PIK3C2G: variants seen among roughly 807,000 people sequenced by gnomAD.
PIK3C2G encodes phosphatidylinositol-4-phosphate 3-kinase catalytic subunit type 2 gamma.
Under a neutral mutation model 181.1 loss-of-function variants are expected in PIK3C2G, and 168 were observed. The ratio of observed to expected loss-of-function variants is 0.93; its 90% CI spans 0.82 to 1.05. The LOEUF is 1.05. PIK3C2G is among the 50% of genes least tolerant of loss of function. PIK3C2G has a pLI of 0.00. For synonymous variants in PIK3C2G, 573 were observed against 592.2 expected (o/e 0.97, Z 0.47); for missense variants, 1,869 against 1,732.8 (o/e 1.08, Z -1.40).
downstream of PIK3C2G, among the ~76,000 whole-genome samples, chr12:18,653,296 A>G (rs1418947574): frequency 2.0e-5 from 3 of 152,172 alleles, no homozygotes; most frequent in Admixed American, 6.6e-5. Context: ...TTGATATTAC[A>G]TAGGAAAAAC....
rs115975753 is a variant in PIK3C2G at position 18,408,743 on chromosome 12, G to A, written c.2315+8896G>A. Among the ~76,000 whole-genome samples the A allele has an allele frequency of 9.3e-3, 1,413 of 152,166 alleles. 14 individuals carry two copies. The highest frequency in any genetic ancestry group is 0.027 in the African/African-American group (1,115 of 41,502). Reference sequence around the variant, plus strand: ...AAGCAAACAACCCCATCAAAAAGTAGGTGAAGGACTTCTCAAAAGAAGACA... The same window carrying A: ...AAGCAAACAACCCCATCAAAAAGTAAGTGAAGGACTTCTCAAAAGAAGACA... On this transcript the variant is annotated intron_variant, in intron 16 of 32. Transcript: ENST00000538779.
chr12:18,337,601 T>A lies in PIK3C2G; in HGVS notation c.1273-825T>A, dbSNP rs12304752. Among the ~76,000 whole-genome samples the A allele has an allele frequency of 3.9e-3, 586 of 152,170 alleles. 1 individual carries two copies. Among genetic ancestry groups the A allele is most frequent in the African/African-American group, 0.013 (549 of 41,540 alleles). On this transcript the variant is annotated intron_variant, in intron 8 of 32. Coordinates refer to ENST00000538779, the MANE Select transcript of PIK3C2G (RefSeq NM_001288772.2). ...GCAGAAGGTGAAGGGAAATCAGGTG[T>A]CTCACGTGGCGAGAGCTGGAGCAGA...
intron 29 of PIK3C2G, among the ~76,000 whole-genome samples, chr12:18,591,853 TAGATG>T (rs1947099296): frequency 6.6e-6 from 1 of 151,840 alleles, no homozygotes; most frequent in Non-Finnish European, 1.5e-5. Context: ...GGCTATAACA[TAGATG>T]AGAATTGATG....
chr12:18,484,239 A>G (rs1392599303), intron 18 of PIK3C2G, among the ~76,000 whole-genome samples: 1 of 152,182 alleles, frequency 6.6e-6, no homozygotes, highest in East Asian at 1.9e-4. Flanking sequence ...GGAGCTGGGA[A>G]CAATAATGAA....
At chr12:18,379,479 G>A (rs542403496) in intron 13 of PIK3C2G, among the ~76,000 whole-genome samples, 10 of 152,248 alleles carry the variant, frequency 6.6e-5, no homozygotes, top group East Asian at 5.8e-4. Context: ...AAGCCTGCAC[G>A]TTGTGCACAG....
chr12:18,535,370 C>A (rs1218958999), intron 24 of PIK3C2G, among the ~76,000 whole-genome samples: 1 of 151,980 alleles, frequency 6.6e-6, no homozygotes, highest in Non-Finnish European at 1.5e-5. Flanking sequence ...TGTTTAAGCA[C>A]AACTAAAATT....
intron 25 of PIK3C2G, among the ~76,000 whole-genome samples, chr12:18,545,256 C>T (rs931403468): frequency 1.3e-5 from 2 of 151,820 alleles, no homozygotes; most frequent in African/African-American, 4.8e-5. Context: ...TCTTGCTTTC[C>T]TATACATGCT....
chr12:18,671,176 G>A, the PIK3C2G span, among the ~76,000 whole-genome samples: 1 of 138,336 alleles, frequency 7.2e-6, no homozygotes, highest in Non-Finnish European at 1.5e-5. Flanking sequence ...GTGACAGGGT[G>A]AGACTCCATC....
chr12:18,659,031 A>G, the PIK3C2G span, among the ~76,000 whole-genome samples: 17,542 of 152,140 alleles, frequency 0.12, 1,425 homozygotes, highest in African/African-American at 0.23. Context: ...GAAGCTTTGT[A>G]TTGGAGAGGC....
intron 18 of PIK3C2G, among the ~76,000 whole-genome samples, chr12:18,488,231 A>G (rs1940237923): frequency 6.6e-6 from 1 of 152,140 alleles, no homozygotes; most frequent in Non-Finnish European, 1.5e-5. Context: ...GAAGAAAGGC[A>G]GATCTCTTAT....
chr12:18,335,949 T>A (rs556711371), intron 8 of PIK3C2G, among the ~76,000 whole-genome samples: 1 of 152,282 alleles, frequency 6.6e-6, no homozygotes, highest in Admixed American at 6.5e-5. Flanking sequence ...TTTCAATTAG[T>A]GATGTTTATG....
At position 18,559,821 on chromosome 12, in the gene PIK3C2G, T is replaced by TAGAGAGAGAGAG. The variant is rs1171468138; in HGVS notation, c.3591-2848_3591-2837dup. ...ATATATATATATATATATATATATA[T>TAGAGAGAGAGAG]AGAGAGAGAGAGAGAGAGAGAGAGA... On this transcript the variant is annotated intron_variant, in intron 26 of 32. Coordinates refer to ENST00000538779, the MANE Select transcript of PIK3C2G (RefSeq NM_001288772.2). Among the ~76,000 whole-genome samples, 56 of 18,360 alleles carry TAGAGAGAGAGAG rather than the reference T, an allele frequency of 3.1e-3. 4 individuals are homozygous for TAGAGAGAGAGAG. The highest frequency in any genetic ancestry group is 3.2e-3 in the Non-Finnish European group (33 of 10,460). The allele number at this position is 18,360 out of a possible 152,430, so 12.0% of individuals were successfully genotyped here.
At chr12:18,721,900 G>T in the PIK3C2G span, among the ~76,000 whole-genome samples, 1 of 151,972 alleles carries the variant, frequency 6.6e-6, no homozygotes. Flanking sequence ...CAAAATCTTT[G>T]CATGGCACTG....
Position 18,640,467 on chromosome 12 carries a change from A to G in PIK3C2G, c.4221A>G (p.Glu1407=), listed in dbSNP as rs763649875. 5 of 1,610,062 alleles carry G rather than the reference A, an allele frequency of 3.1e-6. No individual in the cohort carries two copies. In the South Asian group the frequency reaches 5.5e-5, roughly 18 times the overall value. The part of the protein sequence containing the change: ...PDGSAPSAHV[E]FYLLPYPSEV... ...GCTCTGCGCCCAGTGCACATGTTGA[A>G]TTTTATCTTTTACCATATCCCAGTG... The change falls in exon 32 of 33, where the codon GAA becomes GAG. Residue 1407 remains glutamate, a synonymous_variant. Coordinates refer to ENST00000538779, the MANE Select transcript of PIK3C2G (RefSeq NM_001288772.2).
At chr12:18,268,221 CTGAA>C (rs1948591642) in intron 1 of PIK3C2G, among the ~76,000 whole-genome samples, 1 of 152,110 alleles carries the variant, frequency 6.6e-6, no homozygotes, top group Non-Finnish European at 1.5e-5. Flanking sequence ...ATTTAGTTGA[CTGAA>C]TGGATGTGAG....
At chr12:18,296,222 T>C in intron 5 of PIK3C2G, among the ~76,000 whole-genome samples, 1 of 152,142 alleles carries the variant, frequency 6.6e-6, no homozygotes, top group East Asian at 1.9e-4. Flanking sequence ...TGTAAATAAA[T>C]ATGACTATGA....
intron 20 of PIK3C2G, among the ~76,000 whole-genome samples, chr12:18,495,603 A>G (rs898895180): frequency 1.3e-5 from 2 of 152,180 alleles, no homozygotes; most frequent in Non-Finnish European, 2.9e-5. Flanking sequence ...TTAGTTATAA[A>G]GCTTAGATTT....
At chr12:18,695,439 T>C in the PIK3C2G span, among the ~76,000 whole-genome samples, 1 of 152,110 alleles carries the variant, frequency 6.6e-6, no homozygotes, top group Non-Finnish European at 1.5e-5. Flanking sequence ...ACATCAACTA[T>C]GTCATAAATT....
intron 24 of PIK3C2G, among the ~76,000 whole-genome samples, chr12:18,532,004 G>C (rs1943580583): frequency 6.6e-6 from 1 of 152,144 alleles, no homozygotes; most frequent in South Asian, 2.1e-4. Context: ...AGCAATGTGT[G>C]AGTAATCCAG....
Sources: allele counts gnomAD v4.1 joint callset (sites outside exome capture counted in the v4.1 genomes callset), GRCh38; gene constraint gnomAD v4.1.1; transcripts MANE v1.5; gene names NCBI Gene and HGNC (gene_info 2026-07-23, HGNC 2026-07-21).